The following CEMIP2 variants were observed in gnomAD, a reference collection of about 807,000 sequenced individuals.
CEMIP2 encodes the protein cell migration inducing hyaluronidase 2, also known as cell surface hyaluronidase CEMIP2.
CEMIP2 carries 79 observed loss-of-function variants against 146.9 expected under a neutral mutation model. The observed-to-expected ratio is 0.54, with a 90% CI of 0.45 to 0.65. The LOEUF is 0.65. Among genes scored for constraint, CEMIP2 ranks in the 30% least tolerant of loss-of-function variants. CEMIP2 has a pLI of 0.00. For synonymous variants in CEMIP2, 601 were observed against 606.3 expected (o/e 0.99, Z 0.13); for missense variants, 1,596 against 1,696.2 (o/e 0.94, Z 1.04).
intron 15 of CEMIP2, among the ~76,000 whole-genome samples, chr9:71,713,843 G>T (rs1280472584): frequency 1.3e-5 from 2 of 152,182 alleles, no homozygotes; most frequent in Non-Finnish European, 2.9e-5. Context: ...TGAGCTTTGT[G>T]AGGATTAAAT....
rs1399339343 is a variant in CEMIP2, at chr9:71,733,925, C to A, written c.1393+881G>T. Among the ~76,000 whole-genome samples, 5 of 152,040 alleles carry A rather than the reference C, an allele frequency of 3.3e-5. 1 individual carries two copies. In the East Asian group the frequency reaches 9.6e-4, roughly 29 times the overall value. On this transcript the variant is annotated intron_variant, in intron 6 of 23. Coordinates refer to ENST00000377044, the MANE Select transcript of CEMIP2 (RefSeq NM_013390.3). ...GTGACATGATCTCAGCTCACTGCGA[C>A]CTTCGCCTCCTGGGTTCAAGCGATT...
At chr9:71,692,441 T>TTCCC (rs1822261660) in intron 21 of CEMIP2, among the ~76,000 whole-genome samples, 1 of 146,102 alleles carries the variant, frequency 6.8e-6, no homozygotes, top group Admixed American at 6.8e-5. Flanking sequence ...ACCCACCTGC[T>TTCCC]TCCCTCATGC....
rs76982307 is a variant in CEMIP2 at position 71,688,120 on chromosome 9, G to A, written c.3851+1972C>T. The stretch of plus-strand genomic sequence containing the variant: ...AATCGTCCCGCCATGGCCTCCCAAA[G>A]TGCTGGGATTATAGGCATGAGCCAC... On this transcript the variant is annotated intron_variant, in intron 22 of 23. Transcript: ENST00000377044. Among the ~76,000 whole-genome samples the A allele has an allele frequency of 5.9e-5, 9 of 152,304 alleles. No individual in the cohort carries two copies. The East Asian group carries it at 1.5e-3, about 26-fold the overall frequency.
chr9:71,716,564 G>A lies in CEMIP2; in HGVS notation c.2400-12C>T, dbSNP rs1823063142. Reference sequence around the variant, plus strand: ...CATTATCTGCAAATCTGTAAAAGAAGAGAGAATGAAGAACATTTTAATTTA... The same window carrying A: ...CATTATCTGCAAATCTGTAAAAGAAAAGAGAATGAAGAACATTTTAATTTA... On this transcript the variant is annotated splice_polypyrimidine_tract_variant and intron_variant, in intron 13 of 23. Coordinates refer to ENST00000377044, the MANE Select transcript of CEMIP2 (RefSeq NM_013390.3). 1 of 1,586,800 alleles carries A rather than the reference G, an allele frequency of 6.3e-7. No individual in the cohort carries two copies. The highest frequency in any genetic ancestry group is 8.6e-7 in the Non-Finnish European group (1 of 1,166,388).
chr9:71,686,004 A>T, intron 22 of CEMIP2, 158 bp from the exon 23 acceptor site: 1 of 600,366 alleles, frequency 1.7e-6, no homozygotes, highest in South Asian at 2.1e-5. Context: ...TCCAATTCCC[A>T]CTCTTCCACC....
chr9:71,738,535 T>A (rs1823825123), intron 5 of CEMIP2, among the ~76,000 whole-genome samples: 1 of 148,522 alleles, frequency 6.7e-6, no homozygotes, highest in Non-Finnish European at 1.5e-5. Flanking sequence ...AAAAATTCAG[T>A]AATGCTTTAG....
rs757048914 is a variant in CEMIP2 at position 71,750,149 on chromosome 9, C to T, written c.225G>A (p.Lys75=). 1 of 1,613,894 alleles carries T rather than the reference C, an allele frequency of 6.2e-7. No individual in the cohort carries two copies. Among genetic ancestry groups the T allele is most frequent in the Non-Finnish European group, 8.5e-7 (1 of 1,179,986 alleles). ...EEQQAQRESQ[K]QKRHKNTFIC... ...TGAAAGTATTTTTGTGTCTCTTTTG[C>T]TTTTGACTTTCTCTCTGGGCTTGCT... The change falls in exon 2 of 24, where the codon AAG becomes AAA. Residue 75 remains lysine, a synonymous_variant. Coordinates refer to ENST00000377044, the MANE Select transcript of CEMIP2 (RefSeq NM_013390.3).
intron 2 of CEMIP2, among the ~76,000 whole-genome samples, chr9:71,746,847 T>A (rs1465329806): frequency 6.6e-6 from 1 of 152,160 alleles, no homozygotes; most frequent in Non-Finnish European, 1.5e-5. Flanking sequence ...TCTCCAAGAC[T>A]GAGAAACATC....
chr9:71,727,195 CCTT>C (rs2131952111), intron 10 of CEMIP2, among the ~76,000 whole-genome samples: 2 of 152,314 alleles, frequency 1.3e-5, no homozygotes, highest in Non-Finnish European at 2.9e-5. Context: ...GGCAGCCTCA[CCTT>C]CTATTTTTCA....
chr9:71,717,163 C>A (rs1036331222), intron 13 of CEMIP2, among the ~76,000 whole-genome samples: 2 of 152,220 alleles, frequency 1.3e-5, no homozygotes, highest in South Asian at 2.1e-4. Flanking sequence ...CAGGGCAAGA[C>A]CCTGTCTCAA....
chr9:71,762,426 T>C (rs930909614), intron 1 of CEMIP2, among the ~76,000 whole-genome samples: 15 of 144,320 alleles, frequency 1.0e-4, no homozygotes, highest in African/African-American at 3.6e-4. Flanking sequence ...TTCAAGACTA[T>C]AGTGTGCTAG....
chr9:71,745,624 C>A, intron 3 of CEMIP2, 45 bp from the exon 4 acceptor site: 1 of 1,506,058 alleles, frequency 6.6e-7, no homozygotes, highest in Non-Finnish European at 8.9e-7. Context: ...AATCATCTTT[C>A]TGAGATACAA....
chr9:71,712,584 A>G (rs73477435), intron 15 of CEMIP2: 11,961 of 202,768 alleles, frequency 0.059, 1,445 homozygotes, highest in African/African-American at 0.26. Context: ...TCCTAGAATC[A>G]ACTCAGTTAA....
rs777088245 is a variant in CEMIP2 at position 71,740,175 on chromosome 9, G to T, written c.1092C>A (p.Ser364=). The T allele has an allele frequency of 8.7e-6, 14 of 1,613,840 alleles. No homozygotes were observed. Among genetic ancestry groups the T allele is most frequent in the Middle Eastern group, 1.6e-4 (1 of 6,084 alleles). The change falls in exon 5 of 24, where the codon TCC becomes TCA. Residue 364 remains serine (S), a synonymous_variant. Transcript: ENST00000377044. ...TGCTATGATTTTCATAGTTTCTCAC[G>T]GATTCATTGCAAGAAGTGCTTCCAC... is the stretch of plus-strand genomic sequence containing the variant. ...IDGGSTSCNE[S]VRNYENHSSG...
chr9:71,699,437 G>C lies in CEMIP2; in HGVS notation c.3377+1205C>G, dbSNP rs1438205550. On this transcript the variant is annotated intron_variant, in intron 19 of 23. Coordinates refer to ENST00000377044, the MANE Select transcript of CEMIP2 (RefSeq NM_013390.3). ...CTGCACTCCAGCCTGGGCAACATAGGGATACACCGTCTCTTAAAAAAAAAA... is the reference window on the plus strand; with the variant it reads ...CTGCACTCCAGCCTGGGCAACATAGCGATACACCGTCTCTTAAAAAAAAAA... 5 of 430,564 alleles carry C rather than the reference G, an allele frequency of 1.2e-5. No individual in the cohort carries two copies. The East Asian group carries it at 3.6e-4, about 31-fold the overall frequency. The allele number at this position is 430,564 out of a possible 1,614,324, so 26.7% of individuals were successfully genotyped here. A position where few individuals can be genotyped will look rare whatever the true frequency, so the allele number is the denominator to read the frequency against.
At chr9:71,726,598 T>A (rs1431396389) in intron 10 of CEMIP2, among the ~76,000 whole-genome samples, 1 of 152,212 alleles carries the variant, frequency 6.6e-6, no homozygotes, top group African/African-American at 2.4e-5. Flanking sequence ...AATTAAAATA[T>A]AATATACCTA....
intron 21 of CEMIP2, among the ~76,000 whole-genome samples, chr9:71,690,868 G>A (rs988771852): frequency 2.0e-5 from 3 of 152,134 alleles, no homozygotes. Flanking sequence ...CTTTAAATCA[G>A]TGGTTTGTGA....
chr9:71,728,302 C>CATATATATATAT (rs1491360011), intron 10 of CEMIP2, among the ~76,000 whole-genome samples: 1 of 11,582 alleles, frequency 8.6e-5, no homozygotes, highest in Non-Finnish European at 1.5e-4. Flanking sequence ...TATATATATA[C>CATATATATATAT]ATATATATAT....
chr9:71,718,373 T>C (rs947833577), intron 12 of CEMIP2, among the ~76,000 whole-genome samples: 1 of 152,120 alleles, frequency 6.6e-6, no homozygotes, highest in African/African-American at 2.4e-5. Flanking sequence ...AAAACCCAGA[T>C]CAGGAAGTAT....
Sources: allele counts gnomAD v4.1 joint callset (sites outside exome capture counted in the v4.1 genomes callset), GRCh38; gene constraint gnomAD v4.1.1; transcripts MANE v1.5; gene names NCBI Gene and HGNC (gene_info 2026-07-23, HGNC 2026-07-21).